C11orf16: variants seen among roughly 807,000 people sequenced by gnomAD.
The protein encoded by C11orf16 is uncharacterized protein C11orf16.
A neutral mutation model predicts 45.1 loss-of-function variants in C11orf16; 38 were observed. The observed-to-expected ratio is 0.84, with a 90% CI of 0.65 to 1.10. C11orf16 has a LOEUF of 1.10. Among genes scored for constraint, C11orf16 ranks in the 50% least tolerant of loss-of-function variants. C11orf16 has a pLI of 0.00. For synonymous variants in C11orf16, 221 were observed against 222.0 expected (o/e 1.00, Z 0.04); for missense variants, 583 against 569.5 (o/e 1.02, Z -0.24).
At position 8,929,403 on chromosome 11, in the gene C11orf16, G is replaced by A. The variant is rs373489139; in HGVS notation, c.298C>T (p.Arg100Trp). 2.5e-5 allele frequency: 41 copies of A among 1,614,004 alleles called. No homozygotes were observed. The highest frequency in any genetic ancestry group is 8.9e-5 in the East Asian group (4 of 44,872). Residue 100 changes from arginine to tryptophan, a missense_variant, in exon 3 of 7, where the codon CGG becomes TGG. Coordinates refer to ENST00000326053, the MANE Select transcript of C11orf16 (RefSeq NM_020643.3). ...ARREADGFYY[R>W]AQIKATPELE... ...TCGGGAGTGGCCTTTATTTGGGCCCGGTAGTAAAAACCATCTGCTTCCCTT... is the reference window on the plus strand; with the variant it reads ...TCGGGAGTGGCCTTTATTTGGGCCCAGTAGTAAAAACCATCTGCTTCCCTT...
chr11:8,924,859 C>T (rs1385172146), intron 5 of C11orf16, among the ~76,000 whole-genome samples: 2 of 152,194 alleles, frequency 1.3e-5, no homozygotes, highest in Non-Finnish European at 2.9e-5. Flanking sequence ...CCGAACCTAG[C>T]AGGGCCCGCC....
intron 5 of C11orf16, among the ~76,000 whole-genome samples, chr11:8,924,063 T>G (rs921566179): frequency 2.0e-5 from 3 of 151,922 alleles, no homozygotes; most frequent in Non-Finnish European, 2.9e-5. Context: ...CTATGAGAGA[T>G]AGGGGAAAAA....
Position 8,932,178 on chromosome 11 carries a change from TG to T in C11orf16, c.130del (p.Gln44LysfsTer46), listed in dbSNP as rs1399986947. Reference sequence around the variant, plus strand: ...CTTGTGCCCGGTGAGCCAGGGTGCTTGGAGGGCAAAGGGGTAGGTGAAGGAG... The same window carrying T: ...CTTGTGCCCGGTGAGCCAGGGTGCTTGAGGGCAAAGGGGTAGGTGAAGGAG... ...DLSFTYPFAL[Q>X]APWLTGHKPL... On this transcript the variant is annotated frameshift_variant, in exon 2 of 7. Transcript: ENST00000326053. LOFTEE classifies it high-confidence loss of function. 23 of 1,590,800 alleles carry T rather than the reference TG, an allele frequency of 1.4e-5. No homozygotes were observed. The highest frequency in any genetic ancestry group is 2.0e-5 in the Non-Finnish European group (23 of 1,169,202).
At chr11:8,931,380 C>T (rs2064648932) in intron 2 of C11orf16, among the ~76,000 whole-genome samples, 2 of 151,746 alleles carry the variant, frequency 1.3e-5, no homozygotes, top group Admixed American at 1.3e-4. Flanking sequence ...TGTGCCACCA[C>T]GCCCAGCTAA....
intron 1 of C11orf16, 123 bp downstream of exon 1, chr11:8,932,778 C>G (rs1022760867): frequency 6.5e-6 from 1 of 153,722 alleles, no homozygotes; most frequent in Non-Finnish European, 1.4e-5. Context: ...CCCTTTCCAG[C>G]CCTGTTCAGA....
In C11orf16 at chr11:8,927,013, G is replaced by C; in HGVS notation, c.486C>G (p.Leu162=). ...SLRPGDKVLA[L]WEPGQQQYGP... The stretch of plus-strand genomic sequence containing the variant: ...CATACTGCTGTTGGCCTGGCTCCCA[G>C]AGTGCCAGCACCTTATCCCCTGGTC... Residue 162 remains leucine, a synonymous_variant, in exon 4 of 7, where the codon CTC becomes CTG. Coordinates refer to ENST00000326053, the MANE Select transcript of C11orf16 (RefSeq NM_020643.3). 2.5e-6 allele frequency: 4 copies of C among 1,614,102 alleles called. No homozygotes were observed. Among genetic ancestry groups the C allele is most frequent in the Non-Finnish European group, 3.4e-6 (4 of 1,180,024 alleles).
chr11:8,923,562 C>T (rs1279108976), intron 5 of C11orf16, among the ~76,000 whole-genome samples: 2 of 152,164 alleles, frequency 1.3e-5, no homozygotes, highest in Admixed American at 1.3e-4. Context: ...AGTTTTCATG[C>T]TAAATTCTCC....
intron 2 of C11orf16, among the ~76,000 whole-genome samples, chr11:8,930,834 G>A (rs921642296): frequency 2.0e-5 from 3 of 152,152 alleles, no homozygotes; most frequent in Admixed American, 1.3e-4. Context: ...GACCCATGCT[G>A]AGCTGCCCTC....
intron 5 of C11orf16, 126 bp from the exon 6 acceptor site, chr11:8,921,641 T>C: frequency 1.1e-6 from 1 of 921,352 alleles, no homozygotes; most frequent in South Asian, 1.6e-5. Context: ...TTATTATGTA[T>C]TTGAGACAGG....
At chr11:8,920,827 C>T (rs1446583200) in intron 6 of C11orf16, among the ~76,000 whole-genome samples, 1 of 151,984 alleles carries the variant, frequency 6.6e-6, no homozygotes. Flanking sequence ...GATCCTGTCT[C>T]AGAAAAAAAA....
intron 5 of C11orf16, among the ~76,000 whole-genome samples, chr11:8,922,897 G>C (rs1029610660): frequency 1.3e-5 from 2 of 152,196 alleles, no homozygotes. Flanking sequence ...CATGTGGTGA[G>C]GGCGGGGGAT....
At chr11:8,932,360 G>T in intron 1 of C11orf16, 34 bp from the exon 2 acceptor site, 1 of 1,510,290 alleles carries the variant, frequency 6.6e-7, no homozygotes, top group Non-Finnish European at 8.8e-7. Flanking sequence ...CTGAGCTGCA[G>T]CTTGAAGCAA....
chr11:8,926,003 C>T lies in C11orf16; in HGVS notation c.664G>A (p.Val222Met), dbSNP rs779422144. Residue 222 changes from valine to methionine, a missense_variant, in exon 5 of 7, where the codon GTG becomes ATG. Transcript: ENST00000326053. ...SVSLTIWKKA[V>M]ERLHKSFTRE... Reference sequence around the variant, plus strand: ...GTGAAAGACTTGTGCAGCCTCTCCACAGCCTTCTTCCAGATGGTCAGGGAC... The same window carrying T: ...GTGAAAGACTTGTGCAGCCTCTCCATAGCCTTCTTCCAGATGGTCAGGGAC... 2 of 1,614,140 alleles carry T rather than the reference C, an allele frequency of 1.2e-6. No homozygotes were observed. The highest frequency in any genetic ancestry group is 1.6e-4 in the Middle Eastern group (1 of 6,062).
intron 3 of C11orf16, 187 bp downstream of exon 3, chr11:8,929,190 T>G: frequency 1.7e-6 from 1 of 583,996 alleles, no homozygotes. Flanking sequence ...TTTGTTGCAC[T>G]TTGTTAGGGA....
At position 8,925,618 on chromosome 11, in the gene C11orf16, T is replaced by C; in HGVS notation, c.1049A>G (p.Asp350Gly). ...TCTCTGGGGAGGGCCCATCTCCAGATCATTCTCCACACCGTCTTGTTCACA... is the reference window on the plus strand; with the variant it reads ...TCTCTGGGGAGGGCCCATCTCCAGACCATTCTCCACACCGTCTTGTTCACA... ...SSCEQDGVEN[D>G]LEMGPPQRLM... is the part of the protein sequence containing the mutation. Residue 350 changes from aspartate to glycine, a missense_variant, in exon 5 of 7, where the codon GAT becomes GGT. By Grantham distance (94) the Asp-to-Gly change is moderately conservative. Transcript: ENST00000326053. The C allele has an allele frequency of 6.2e-7, 1 of 1,614,234 alleles. No individual in the cohort carries two copies. Among genetic ancestry groups the C allele is most frequent in the Non-Finnish European group, 8.5e-7 (1 of 1,180,036 alleles).
At chr11:8,924,509 G>C (rs2064595538) in intron 5 of C11orf16, among the ~76,000 whole-genome samples, 1 of 29,280 alleles carries the variant, frequency 3.4e-5, no homozygotes, top group Non-Finnish European at 2.6e-4. Context: ...CTGGGCAACA[G>C]AGTGAGACTC....
chr11:8,930,047 G>A (rs1033158975), intron 2 of C11orf16, among the ~76,000 whole-genome samples: 4 of 152,024 alleles, frequency 2.6e-5, no homozygotes, highest in Admixed American at 6.6e-5. Context: ...TTGAATCTGG[G>A]AGGTAGAGGT....
intron 5 of C11orf16, among the ~76,000 whole-genome samples, chr11:8,923,847 AC>A (rs1157674413): frequency 1.7e-5 from 2 of 118,448 alleles, no homozygotes; most frequent in African/African-American, 3.2e-5. Flanking sequence ...CAAGTGATCC[AC>A]CCCCCACCCC....
intron 2 of C11orf16, among the ~76,000 whole-genome samples, chr11:8,930,036 C>T (rs2064639800): frequency 6.6e-6 from 1 of 151,960 alleles, no homozygotes; most frequent in Non-Finnish European, 1.5e-5. Flanking sequence ...AGGAGGATTG[C>T]TTGAATCTGG....
Sources: gnomAD v4.1 joint callset for allele counts (sites outside exome capture counted in the v4.1 genomes callset) on GRCh38, gnomAD v4.1.1 for gene constraint, MANE v1.5 for transcripts, NCBI Gene and HGNC (gene_info 2026-07-23, HGNC 2026-07-21) for gene names.